Variants in CARHSP1 observed in about 807,000 individuals in gnomAD.
The protein encoded by CARHSP1 is calcium-regulated heat-stable protein 1.
Under a neutral mutation model 12.5 loss-of-function variants are expected in CARHSP1, and 14 were observed. That is an observed-to-expected ratio of 1.12 (90% CI 0.74 to 1.75). CARHSP1 has a LOEUF of 1.75. CARHSP1 is among the 40% of genes most tolerant of loss of function. The probability of loss-of-function intolerance (pLI) is 0.00; values close to 1 mark genes in which losing one functional copy is unlikely to be tolerated. For missense variants in CARHSP1, 343 were observed against 201.6 expected, an observed-to-expected ratio of 1.70 and a Z score of -4.25; for synonymous variants, 161 against 82.0, an observed-to-expected ratio of 1.96 and a Z score of -5.20.
chr16:8,859,392 T>A, intron 1 of CARHSP1, 57 bp from the exon 2 acceptor site: 1 of 1,470,908 alleles, frequency 6.8e-7, no homozygotes, highest in African/African-American at 1.4e-5. Context: ...GACCCTGTGC[T>A]TACCCCCATG....
chr16:8,864,242 A>G (rs2061419300), intron 1 of CARHSP1, among the ~76,000 whole-genome samples: 1 of 152,164 alleles, frequency 6.6e-6, no homozygotes, highest in Non-Finnish European at 1.5e-5. Flanking sequence ...CTGAGCGCAT[A>G]CACGTGTATG....
intron 1 of CARHSP1, among the ~76,000 whole-genome samples, chr16:8,861,172 T>A: frequency 8.5e-5 from 1 of 11,782 alleles, no homozygotes; most frequent in African/African-American, 1.8e-4. Flanking sequence ...TTTTTTTTTT[T>A]TTTTTTTTTT....
At position 8,858,625 on chromosome 16, in the gene CARHSP1, TG is replaced by T; in HGVS notation, c.159-154del. 4 of 904,346 alleles carry T rather than the reference TG, an allele frequency of 4.4e-6. No individual in the cohort carries two copies. The South Asian group carries it at 5.6e-5, about 13-fold the overall frequency. The allele number at this position is 904,346 out of a possible 1,614,324, so 56.0% of individuals were successfully genotyped here. On this transcript the variant is annotated intron_variant, in intron 2 of 3. Transcript: ENST00000311052. Reference sequence around the variant, plus strand: ...CTGAGGACTGCACAACCCTCAACCCTGGGAGCCGCTCACAAAGACGCTGGGG... The same window carrying T: ...CTGAGGACTGCACAACCCTCAACCCTGGAGCCGCTCACAAAGACGCTGGGG...
At chr16:8,857,266 T>TTTTG (rs1213690410) in intron 3 of CARHSP1, among the ~76,000 whole-genome samples, 7 of 15,122 alleles carry the variant, frequency 4.6e-4, no homozygotes, top group South Asian at 3.2e-3. Flanking sequence ...CAGATCTGTT[T>TTTTG]TTTTTTTTTT....
At chr16:8,861,777 T>C in intron 1 of CARHSP1, 1 of 1,273,500 alleles carries the variant, frequency 7.9e-7, no homozygotes, top group South Asian at 1.3e-5. Flanking sequence ...GGCCCCCGCA[T>C]GACCTACCAG....
At chr16:8,858,767 TTAA>T (rs1439262157) in intron 2 of CARHSP1, 1 of 454,634 alleles carries the variant, frequency 2.2e-6, no homozygotes, top group African/African-American at 1.9e-5. Context: ...TGATTTACTA[TTAA>T]TAACACAAGC....
At chr16:8,866,394 T>C (rs1022007432) in intron 1 of CARHSP1, 1 of 974,582 alleles carries the variant, frequency 1.0e-6, no homozygotes, top group Non-Finnish European at 1.2e-6. Flanking sequence ...GGGATCGGGG[T>C]GAGACTCTAG....
At chr16:8,862,845 C>T (rs990282893) in intron 1 of CARHSP1, among the ~76,000 whole-genome samples, 1 of 152,154 alleles carries the variant, frequency 6.6e-6, no homozygotes, top group African/African-American at 2.4e-5. Context: ...TCACCATCGT[C>T]GTCCTCCTTG....
intron 1 of CARHSP1, 62 bp from the exon 2 acceptor site, chr16:8,859,397 C>A: frequency 1.4e-6 from 2 of 1,420,494 alleles, no homozygotes; most frequent in East Asian, 4.9e-5. Flanking sequence ...TGTGCTTACC[C>A]CCATGTCCAC....
At position 8,855,042 on chromosome 16, in the gene CARHSP1, T is replaced by G; in HGVS notation, c.*122A>C. On this transcript the variant is annotated 3_prime_UTR_variant, in exon 4 of 4. Transcript: ENST00000311052. Reference sequence around the variant, plus strand: ...CATACCCCTTCCTCCAGGAGATACTTGAGAGGGACCATGCCCGGCTGAAGC... The same window carrying G: ...CATACCCCTTCCTCCAGGAGATACTGGAGAGGGACCATGCCCGGCTGAAGC... 4 of 808,700 alleles carry G rather than the reference T, an allele frequency of 4.9e-6. No individual in the cohort carries two copies. Among genetic ancestry groups the G allele is most frequent in the Non-Finnish European group, 7.1e-6 (4 of 561,820 alleles). 50.1% of individuals were successfully genotyped at this position (808,700 alleles called of 1,614,324 possible).
intron 1 of CARHSP1, among the ~76,000 whole-genome samples, chr16:8,864,551 C>G (rs968232959): frequency 6.6e-6 from 1 of 152,296 alleles, no homozygotes; most frequent in East Asian, 1.9e-4. Flanking sequence ...CAGGGTCGCC[C>G]GGCTAACAAA....
At chr16:8,861,666 C>T (rs2061359818) in intron 1 of CARHSP1, 2 of 1,289,148 alleles carry the variant, frequency 1.6e-6, no homozygotes, top group Non-Finnish European at 2.0e-6. Flanking sequence ...GGCATCCTAC[C>T]TCCTGTCCCT....
At chr16:8,857,278 T>TG (rs2061159297) in intron 3 of CARHSP1, among the ~76,000 whole-genome samples, 2 of 116,738 alleles carry the variant, frequency 1.7e-5, no homozygotes, top group South Asian at 3.2e-4. Flanking sequence ...TTTTTTTTTT[T>TG]TTTTTTTTTT....
chr16:8,862,439 G>C (rs767390858), intron 1 of CARHSP1, among the ~76,000 whole-genome samples: 1 of 152,070 alleles, frequency 6.6e-6, no homozygotes, highest in Admixed American at 6.6e-5. Flanking sequence ...GCCCAATACC[G>C]AGCCCTGTTC....
Position 8,859,217 on chromosome 16 carries a change from C to A in CARHSP1, c.112G>T (p.Val38Leu). ...ERSPSPLRGNVVPSPLPTRRT... is the reference protein window; with the variant it reads ...ERSPSPLRGNLVPSPLPTRRT... The stretch of plus-strand genomic sequence containing the variant: ...CGAGTGGGCAGTGGGCTTGGGACCA[C>A]GTTGCCCCGCAGAGGGGATGGTGAG... Residue 38 changes from valine (V) to leucine (L), a missense_variant, in exon 2 of 4, where the codon GTG becomes TTG. Physicochemically the swap from Val to Leu is conservative, Grantham distance 32. Transcript: ENST00000311052. The A allele has an allele frequency of 3.7e-6, 6 of 1,602,352 alleles. No homozygotes were observed. Among genetic ancestry groups the A allele is most frequent in the Non-Finnish European group, 5.1e-6 (6 of 1,176,306 alleles).
At chr16:8,856,270 C>T (rs2061102702) in intron 3 of CARHSP1, among the ~76,000 whole-genome samples, 1 of 152,132 alleles carries the variant, frequency 6.6e-6, no homozygotes, top group African/African-American at 2.4e-5. Context: ...TGAAACCCCC[C>T]CAGAGGAAAA....
At chr16:8,857,539 G>T (rs1359314627) in intron 3 of CARHSP1, 1 of 144,740 alleles carries the variant, frequency 6.9e-6, no homozygotes, top group Admixed American at 7.0e-5. Context: ...TGATCCGCCT[G>T]CCTCCGCCTC....
intron 3 of CARHSP1, chr16:8,858,101 C>A: frequency 1.9e-6 from 1 of 535,272 alleles, no homozygotes; most frequent in South Asian, 2.1e-5. Flanking sequence ...AAGACACACC[C>A]AGGGACAATC....
At position 8,854,519 on chromosome 16, in the gene CARHSP1, T is replaced by C. The variant is rs1456187417; in HGVS notation, c.*645A>G. 1.3e-5 allele frequency: 2 copies of C among 152,698 alleles called. No individual in the cohort carries two copies. Among genetic ancestry groups the C allele is most frequent in the African/African-American group, 4.8e-5 (2 of 41,454 alleles). The allele number at this position is 152,698 out of a possible 1,614,324, so 9.5% of individuals were successfully genotyped here. A position where few individuals can be genotyped will look rare whatever the true frequency, so the allele number is the denominator to read the frequency against. ...CCAGGGGTGGGAGTGCTGGGAGAAC[T>C]GTCTTCCCCAGACAGGCAGCTATGC... On this transcript the variant is annotated 3_prime_UTR_variant, in exon 4 of 4. Coordinates refer to ENST00000311052, the MANE Select transcript of CARHSP1 (RefSeq NM_014316.4).
Sources: allele counts gnomAD v4.1 joint callset (sites outside exome capture counted in the v4.1 genomes callset), GRCh38; gene constraint gnomAD v4.1.1; transcripts MANE v1.5; gene names NCBI Gene and HGNC (gene_info 2026-07-23, HGNC 2026-07-21).